The following CSMD1 variants were observed in gnomAD, a reference collection of about 807,000 sequenced individuals.
CSMD1 encodes CUB and sushi domain-containing protein 1.
A neutral mutation model predicts 417.5 loss-of-function variants in CSMD1; 213 were observed. That is an observed-to-expected ratio of 0.51 (90% CI 0.46 to 0.57). CSMD1 has a LOEUF of 0.57. Among genes scored for constraint, CSMD1 ranks in the 20% least tolerant of loss-of-function variants. The pLI is 0.00. For missense variants in CSMD1, 6,923 were observed against 4,529.7 expected (o/e 1.53, Z -15.17); for synonymous variants, 2,862 against 1,736.8 (o/e 1.65, Z -16.11).
At chr8:3,317,462 C>G (rs567725988) in intron 23 of CSMD1, among the ~76,000 whole-genome samples, 1 of 152,124 alleles carries the variant, frequency 6.6e-6, no homozygotes, top group African/African-American at 2.4e-5. Flanking sequence ...CTCTGTTGTT[C>G]TGGTGCCTGT....
intron 26 of CSMD1, among the ~76,000 whole-genome samples, chr8:3,248,320 T>C (rs1183537278): frequency 6.7e-6 from 1 of 148,428 alleles, no homozygotes. Context: ...TTGTCTCAGA[T>C]AGTGATGAAC....
intron 41 of CSMD1, among the ~76,000 whole-genome samples, chr8:3,130,151 C>T (rs1271725601): frequency 2.0e-5 from 3 of 152,076 alleles, no homozygotes; most frequent in Non-Finnish European, 4.4e-5. Context: ...ATATTAAGAT[C>T]ATGCTCATTA....
chr8:4,291,063 T>C (rs760614521), intron 3 of CSMD1, among the ~76,000 whole-genome samples: 4 of 152,162 alleles, frequency 2.6e-5, no homozygotes, highest in African/African-American at 4.8e-5. Context: ...ATGGGAATAA[T>C]AATGGAATTT....
rs560038035 is a variant in CSMD1 at position 4,925,587 on chromosome 8, C to T, written c.85+68745G>A. 2.7e-3 allele frequency among the ~76,000 whole-genome samples: 411 copies of T among 149,750 alleles called. 8 individuals carry two copies. The highest frequency in any genetic ancestry group is 9.1e-3 in the African/African-American group (368 of 40,620). On this transcript the variant is annotated intron_variant, in intron 1 of 69. Transcript: ENST00000635120. ...TTTGAGACGGAGTCTCGCTCTGTCT[C>T]CCAGGCTGGAGTGCAGTGGTGCAGT...
chr8:4,189,012 G>A (rs932240759), intron 3 of CSMD1, among the ~76,000 whole-genome samples: 7 of 152,090 alleles, frequency 4.6e-5, no homozygotes, highest in Admixed American at 2.0e-4. Context: ...AGAAATACAC[G>A]GTTACTGGGC....
At chr8:4,509,443 A>G (rs571665086) in intron 2 of CSMD1, among the ~76,000 whole-genome samples, 1 of 152,308 alleles carries the variant, frequency 6.6e-6, no homozygotes, top group African/African-American at 2.4e-5. Flanking sequence ...TAAAGAATTA[A>G]ATACTGTGTT....
intron 3 of CSMD1, among the ~76,000 whole-genome samples, chr8:4,036,041 G>A (rs889218552): frequency 2.7e-4 from 41 of 152,056 alleles, no homozygotes; most frequent in African/African-American, 8.2e-4. Flanking sequence ...CACATATACT[G>A]ACCATTATGT....
At chr8:3,977,543 A>G (rs1403130290) in intron 5 of CSMD1, among the ~76,000 whole-genome samples, 1 of 152,222 alleles carries the variant, frequency 6.6e-6, no homozygotes, top group Non-Finnish European at 1.5e-5. Flanking sequence ...TGTTCAGAGC[A>G]GCAAACATTT....
At chr8:4,203,260 A>G (rs942358010) in intron 3 of CSMD1, among the ~76,000 whole-genome samples, 6 of 152,170 alleles carry the variant, frequency 3.9e-5, no homozygotes, top group South Asian at 2.1e-4. Context: ...CAGCCTGCAG[A>G]AGACTGCCCT....
rs1806777411 is a variant in CSMD1 at position 3,329,809 on chromosome 8, G to C, written c.3631+13485C>G. ...TGAGCCTTTTCTGCCTTCTCTCCTT[G>C]TCTGCTAGGGGCTAACTTACTTGCT... On this transcript the variant is annotated intron_variant, in intron 23 of 69. Coordinates refer to ENST00000635120, the MANE Select transcript of CSMD1 (RefSeq NM_033225.6). 1.3e-5 allele frequency among the ~76,000 whole-genome samples: 2 copies of C among 152,156 alleles called. 1 individual carries two copies. Among genetic ancestry groups the C allele is most frequent in the South Asian group, 4.1e-4 (2 of 4,832 alleles).
intron 50 of CSMD1, among the ~76,000 whole-genome samples, chr8:3,049,620 G>T (rs999701243): frequency 7.3e-6 from 1 of 136,728 alleles, no homozygotes; most frequent in Admixed American, 7.4e-5. Context: ...AGACTTTAAG[G>T]GCCACAAAAG....
intron 41 of CSMD1, among the ~76,000 whole-genome samples, chr8:3,131,963 G>A (rs1585428757): frequency 6.6e-6 from 1 of 152,268 alleles, no homozygotes; most frequent in East Asian, 1.9e-4. Context: ...GGTCTTAACA[G>A]GGGATGCAAA....
chr8:4,551,163 T>C (rs1797853942), intron 2 of CSMD1, among the ~76,000 whole-genome samples: 1 of 152,190 alleles, frequency 6.6e-6, no homozygotes, highest in African/African-American at 2.4e-5. Flanking sequence ...ATCCTGTGTA[T>C]CTTACCTTCC....
chr8:4,951,739 C>T (rs1011835923), intron 1 of CSMD1, among the ~76,000 whole-genome samples: 1 of 151,586 alleles, frequency 6.6e-6, no homozygotes, highest in African/African-American at 2.4e-5. Flanking sequence ...TAATGTTACT[C>T]ACAATCTTTC....
At chr8:4,750,792 G>T (rs970432797) in intron 1 of CSMD1, among the ~76,000 whole-genome samples, 1 of 151,742 alleles carries the variant, frequency 6.6e-6, no homozygotes, top group African/African-American at 2.4e-5. Context: ...AAAATGTTTC[G>T]TTGGTTGCTT....
intron 1 of CSMD1, among the ~76,000 whole-genome samples, chr8:4,737,410 G>T (rs940998926): frequency 6.6e-6 from 1 of 152,044 alleles, no homozygotes; most frequent in Admixed American, 6.6e-5. Flanking sequence ...ATATCTGGGT[G>T]ATGAGATAAT....
intron 17 of CSMD1, among the ~76,000 whole-genome samples, chr8:3,388,910 CA>C: frequency 2.4e-5 from 1 of 40,974 alleles, no homozygotes; most frequent in African/African-American, 1.4e-4. Context: ...CACACACACA[CA>C]CACACACACA....
intron 3 of CSMD1, among the ~76,000 whole-genome samples, chr8:4,164,617 G>T (rs1584940787): frequency 6.6e-6 from 1 of 151,986 alleles, no homozygotes; most frequent in Admixed American, 6.6e-5. Context: ...GTACCTTATT[G>T]GTTTACATAC....
At position 4,544,746 on chromosome 8, in the gene CSMD1, G is replaced by A. The variant is rs143194385; in HGVS notation, c.302+92596C>T. On this transcript the variant is annotated intron_variant, in intron 2 of 69. Transcript: ENST00000635120. ...GGCATGGGTCAATGTTACAGTGTCA[G>A]AGCAAATCCATTTTTGAAGGGCAGC... is the stretch of plus-strand genomic sequence containing the variant. Among the ~76,000 whole-genome samples, 618 of 152,270 alleles carry A rather than the reference G, an allele frequency of 4.1e-3. 3 individuals carry two copies. Among genetic ancestry groups the A allele is most frequent in the African/African-American group, 0.014 (597 of 41,552 alleles).
Sources: allele counts gnomAD v4.1 joint callset (sites outside exome capture counted in the v4.1 genomes callset), GRCh38; gene constraint gnomAD v4.1.1; transcripts MANE v1.5; gene names NCBI Gene and HGNC (gene_info 2026-07-23, HGNC 2026-07-21).